The following NFE2L3 variants were observed in gnomAD, a reference collection of about 807,000 sequenced individuals.
NFE2L3 encodes nuclear factor erythroid 2-related factor 3.
A neutral mutation model predicts 23.5 loss-of-function variants in NFE2L3; 18 were observed. The observed-to-expected ratio is 0.77, with a 90% CI of 0.53 to 1.13. NFE2L3 has a LOEUF of 1.13. NFE2L3 is among the 50% of genes most tolerant of loss of function. The pLI, the probability that NFE2L3 is intolerant of heterozygous loss-of-function variation, is 0.00. For missense variants in NFE2L3, 1,152 were observed against 877.2 expected, an observed-to-expected ratio of 1.31 and a Z score of -3.96; for synonymous variants, 424 against 354.5, an observed-to-expected ratio of 1.20 and a Z score of -2.20.
At position 26,185,089 on chromosome 7, in the gene NFE2L3, C is replaced by T. The variant is rs1233543424; in HGVS notation, c.1391C>T (p.Ala464Val). 6.2e-7 allele frequency: 1 copy of T among 1,613,846 alleles called. No individual in the cohort carries two copies. Among genetic ancestry groups the T allele is most frequent in the African/African-American group, 1.3e-5 (1 of 75,030 alleles). Residue 464 changes from alanine (A) to valine (V), a missense_variant, in exon 4 of 4, where the codon GCT (alanine) becomes GTT (valine). Physicochemically the swap from Ala to Val is moderately conservative, Grantham distance 64. Coordinates refer to ENST00000056233, the MANE Select transcript of NFE2L3 (RefSeq NM_004289.7). ...ESSSHHDLEG[A>V]VGGYYPEPSK... is the part of the protein sequence containing the mutation. The stretch of plus-strand genomic sequence containing the variant: ...AGTTCCCATCATGACTTAGAAGGTG[C>T]TGTAGGTGGCTACTACCCAGAACCC...
At chr7:26,161,088 C>T (rs1784159132) in intron 1 of NFE2L3, among the ~76,000 whole-genome samples, 1 of 152,182 alleles carries the variant, frequency 6.6e-6, no homozygotes, top group South Asian at 2.1e-4. Context: ...CTGGAATCCA[C>T]TTTAGCATGA....
In NFE2L3 at chr7:26,185,342, T is replaced by C. The variant is rs1287272553; in HGVS notation, c.1644T>C (p.Pro548=). 1 of 1,613,938 alleles carries C rather than the reference T, an allele frequency of 6.2e-7. No homozygotes were observed. Among genetic ancestry groups the C allele is most frequent in the Non-Finnish European group, 8.5e-7 (1 of 1,179,826 alleles). The stretch of plus-strand genomic sequence containing the variant: ...AGCGTGCTAAAGCTTTGCATATCCC[T>C]TTTTCTGTAGATGAAATTGTCGGCA... ...DEQRAKALHI[P]FSVDEIVGMP... Residue 548 remains proline (P), a synonymous_variant, in exon 4 of 4, where the codon CCT becomes CCC. Transcript: ENST00000056233.
chr7:26,158,129 A>C (rs1583925830), intron 1 of NFE2L3, among the ~76,000 whole-genome samples: 1 of 151,888 alleles, frequency 6.6e-6, no homozygotes, highest in Admixed American at 6.6e-5. Context: ...GCTCACTGCA[A>C]CCTCTGCCTC....
intron 1 of NFE2L3, among the ~76,000 whole-genome samples, chr7:26,175,673 G>A (rs1474367724): frequency 6.7e-6 from 1 of 150,204 alleles, no homozygotes; most frequent in African/African-American, 2.4e-5. Context: ...CAGTTACTGG[G>A]GAGGCTGAGG....
intron 1 of NFE2L3, among the ~76,000 whole-genome samples, chr7:26,161,738 A>G (rs953009969): frequency 1.3e-5 from 2 of 152,132 alleles, no homozygotes; most frequent in Admixed American, 6.6e-5. Context: ...ATTTTCTAAT[A>G]TATTCTAAAG....
chr7:26,158,503 G>A (rs1167681333), intron 1 of NFE2L3, among the ~76,000 whole-genome samples: 1 of 152,184 alleles, frequency 6.6e-6, no homozygotes, highest in East Asian at 1.9e-4. Context: ...AAAGCAGCTG[G>A]TCTATATGGA....
chr7:26,161,317 A>C (rs752192852), intron 1 of NFE2L3, among the ~76,000 whole-genome samples: 1 of 136,454 alleles, frequency 7.3e-6, no homozygotes, highest in Non-Finnish European at 1.6e-5. Flanking sequence ...GAAGAACTTA[A>C]TTTCTTAGCT....
intron 1 of NFE2L3, among the ~76,000 whole-genome samples, chr7:26,160,207 C>T (rs1784146323): frequency 6.6e-6 from 1 of 152,130 alleles, no homozygotes; most frequent in South Asian, 2.1e-4. Flanking sequence ...ATCCTCCTGC[C>T]TCTCCTCCTA....
At chr7:26,178,150 G>T (rs765044066) in intron 2 of NFE2L3, 28 bp downstream of exon 2, 1 of 1,587,926 alleles carries the variant, frequency 6.3e-7, no homozygotes, top group Non-Finnish European at 8.6e-7. Context: ...TTCAAGCCTT[G>T]CCGTTTTGGT....
intron 1 of NFE2L3, among the ~76,000 whole-genome samples, chr7:26,175,215 C>T (rs1340470613): frequency 6.9e-6 from 1 of 144,684 alleles, no homozygotes; most frequent in Non-Finnish European, 1.5e-5. Flanking sequence ...AAAAAAATAG[C>T]TGGGCGTGGT....
chr7:26,183,431 C>G (rs1782381437), intron 2 of NFE2L3, among the ~76,000 whole-genome samples: 2 of 151,738 alleles, frequency 1.3e-5, no homozygotes, highest in Non-Finnish European at 2.9e-5. Flanking sequence ...AGCTGTAATC[C>G]CAGCTACTCC....
At chr7:26,166,506 T>C (rs1320868631) in intron 1 of NFE2L3, among the ~76,000 whole-genome samples, 1 of 152,214 alleles carries the variant, frequency 6.6e-6, no homozygotes, top group Non-Finnish European at 1.5e-5. Flanking sequence ...CGCCAAATCC[T>C]GGTTCTGTCA....
intron 1 of NFE2L3, chr7:26,173,733 A>G (rs751707423): frequency 6.6e-6 from 1 of 152,188 alleles, no homozygotes; most frequent in Admixed American, 6.5e-5. Context: ...TATTGTGTCT[A>G]AGAGTTCAGC....
At chr7:26,177,877 GAAC>G in intron 1 of NFE2L3, 63 bp from the exon 2 acceptor site, 2 of 1,399,416 alleles carry the variant, frequency 1.4e-6, no homozygotes, top group African/African-American at 2.9e-5. Context: ...CATGGTCCCT[GAAC>G]AATAAGCACA....
At chr7:26,181,912 TTATC>T (rs1784520236) in intron 2 of NFE2L3, among the ~76,000 whole-genome samples, 1 of 151,784 alleles carries the variant, frequency 6.6e-6, no homozygotes, top group South Asian at 2.1e-4. Flanking sequence ...TCTAAGAAAA[TTATC>T]TAGAATATAC....
intron 1 of NFE2L3, 91 bp from the exon 2 acceptor site, chr7:26,177,852 T>A: frequency 9.0e-7 from 1 of 1,105,444 alleles, no homozygotes; most frequent in South Asian, 1.5e-5. Flanking sequence ...TCTTAGCTTT[T>A]GACTTGTGGG....
Position 26,153,025 on chromosome 7 carries a change from A to G in NFE2L3, c.527A>G (p.Glu176Gly). ...DAGEEEKAPA[E>G]PTAQVPDAGG... is the part of the protein sequence containing the mutation. ...GGGGAAGAGGAGAAGGCACCCGCGG[A>G]ACCGACGGCTCAGGTGCCGGACGCT... The change falls in exon 1 of 4, where the codon GAA becomes GGA. Residue 176 changes from glutamate to glycine, a missense_variant. By Grantham distance (98) the Glu-to-Gly change is moderately conservative. Coordinates refer to ENST00000056233, the MANE Select transcript of NFE2L3 (RefSeq NM_004289.7). 1 of 1,525,652 alleles carries G rather than the reference A, an allele frequency of 6.6e-7. No individual in the cohort carries two copies. The highest frequency in any genetic ancestry group is 8.8e-7 in the Non-Finnish European group (1 of 1,140,570). The allele number at this position is 1,525,652 out of a possible 1,614,324, so 94.5% of individuals were successfully genotyped here. A position where few individuals can be genotyped will look rare whatever the true frequency, so the allele number is the denominator to read the frequency against.
chr7:26,182,689 A>G (rs1466975384), intron 2 of NFE2L3, among the ~76,000 whole-genome samples: 1 of 151,880 alleles, frequency 6.6e-6, no homozygotes, highest in Non-Finnish European at 1.5e-5. Context: ...AGAACTCTGA[A>G]GAGTTCTTTC....
chr7:26,178,068 A>C lies in NFE2L3; in HGVS notation c.696A>C (p.Lys232Asn). ...AGCAGAATGATGATGATGAAAACAAAATAGCAGAGAAACCTGACTGGGAGG... is the reference window on the plus strand; with the variant it reads ...AGCAGAATGATGATGATGAAAACAACATAGCAGAGAAACCTGACTGGGAGG... ...SLQQNDDDEN[K>N]IAEKPDWEAE... Residue 232 changes from lysine to asparagine, a missense_variant, in exon 2 of 4, where the codon AAA becomes AAC. Lys to Asn is a moderately conservative substitution (Grantham distance 94, BLOSUM62 0). Transcript: ENST00000056233. 2 of 1,614,162 alleles carry C rather than the reference A, an allele frequency of 1.2e-6. No homozygotes were observed. The highest frequency in any genetic ancestry group is 1.7e-6 in the Non-Finnish European group (2 of 1,180,022).
Sources: allele counts gnomAD v4.1 joint callset (sites outside exome capture counted in the v4.1 genomes callset), GRCh38; gene constraint gnomAD v4.1.1; transcripts MANE v1.5; gene names NCBI Gene and HGNC (gene_info 2026-07-23, HGNC 2026-07-21).